Variants in FSCB observed in about 807,000 individuals in gnomAD.
FSCB encodes the protein fibrous sheath CABYR-binding protein.
For synonymous variants in FSCB, 331 were observed against 336.6 expected, an observed-to-expected ratio of 0.98 and a Z score of 0.18; for missense variants, 975 against 934.8, an observed-to-expected ratio of 1.04 and a Z score of -0.56.
Position 44,504,233 on chromosome 14 carries a change from C to A in FSCB, c.*277G>T, listed in dbSNP as rs1881004037. On this transcript the variant is annotated 3_prime_UTR_variant, in exon 1 of 1. Transcript: ENST00000340446. ...GCAGATTAAACTTTACTCGTGTCAA[C>A]AAGTTTACTGTAGGAAGGATATTTT... 2 of 250,524 alleles carry A rather than the reference C, an allele frequency of 8.0e-6. No homozygotes were observed. Among genetic ancestry groups the A allele is most frequent in the Middle Eastern group, 1.3e-3 (1 of 756 alleles). 15.5% of individuals were successfully genotyped at this position (250,524 alleles called of 1,614,324 possible).
Position 44,506,739 on chromosome 14 carries a change from T to C in FSCB, c.249A>G (p.Lys83=). The C allele has an allele frequency of 6.2e-7, 1 of 1,614,200 alleles. No individual in the cohort carries two copies. The highest frequency in any genetic ancestry group is 8.5e-7 in the Non-Finnish European group (1 of 1,180,030). ...LQTDTIVEEK[K]EVKLVEETVV... ...CGGTTTCCTCAACTAACTTGACTTC[T>C]TTTTTCTCTTCTACAATGGTGTCTG... is the stretch of plus-strand genomic sequence containing the variant. Residue 83 remains lysine (K), a synonymous_variant, in exon 1 of 1, where the codon AAA becomes AAG. Transcript: ENST00000340446.
chr14:44,506,117 C>A lies in FSCB; in HGVS notation c.871G>T (p.Val291Phe). ...TCTTCAGTTGATGGCTGTACTTGGA[C>A]ATGGGTCTCTTCAGCAGGTCTGGGC... ...AEPRPAEETH[V>F]QVQPSTEETP... The change falls in exon 1 of 1, where the codon GTC becomes TTC. Residue 291 changes from valine (V) to phenylalanine (F), a missense_variant. By Grantham distance (50) the Val-to-Phe change is conservative. Transcript: ENST00000340446. 2 of 1,614,122 alleles carry A rather than the reference C, an allele frequency of 1.2e-6. No homozygotes were observed. Among genetic ancestry groups the A allele is most frequent in the Non-Finnish European group, 1.7e-6 (2 of 1,180,022 alleles).
rs1028299124 is a variant in FSCB, at chr14:44,504,819, C to G, written c.2169G>C (p.Leu723Phe). The change falls in exon 1 of 1, where the codon TTG becomes TTC. Residue 723 changes from leucine (L) to phenylalanine (F), a missense_variant. Transcript: ENST00000340446. The stretch of plus-strand genomic sequence containing the variant: ...CTATAGGAAACTCCTCAGTCAGAAG[C>G]AAATCAGCTGGTGGGGAATGTTTGT... ...SVDKHSPPAD[L>F]LLTEEFPIGE... The G allele has an allele frequency of 1.2e-6, 2 of 1,614,000 alleles. No homozygotes were observed. The highest frequency in any genetic ancestry group is 3.3e-5 in the Admixed American group (2 of 60,014).
Position 44,506,379 on chromosome 14 carries a change from G to A in FSCB, c.609C>T (p.Asn203=), listed in dbSNP as rs753534693. The change falls in exon 1 of 1, where the codon AAC becomes AAT. Residue 203 remains asparagine, a synonymous_variant. Transcript: ENST00000340446. Reference sequence around the variant, plus strand: ...TTTTCTGCCCAATTTCTTCATTGCTGTTTGTTGCTGGTTGAAATTCAGGGT... The same window carrying A: ...TTTTCTGCCCAATTTCTTCATTGCTATTTGTTGCTGGTTGAAATTCAGGGT... ...SEHPEFQPAT[N]SNEEIGQKNI... is the part of the protein sequence containing the mutation. 6.2e-7 allele frequency: 1 copy of A among 1,614,120 alleles called. No individual in the cohort carries two copies. Among genetic ancestry groups the A allele is most frequent in the Non-Finnish European group, 8.5e-7 (1 of 1,180,022 alleles).
At chr14:44,506,434 TTA>T in the FSCB span, 1 of 1,614,204 alleles carries the variant, frequency 6.2e-7, no homozygotes, top group Non-Finnish European at 8.5e-7. Flanking sequence ...TCCCGACGAT[TTA>T]TGTTTCAGGG....
Position 44,506,164 on chromosome 14 carries a change from T to A in FSCB, c.824A>T (p.Glu275Val), listed in dbSNP as rs758809620. ...FPAKIQPPLVEEATAKAEPRP... is the reference protein window; with the variant it reads ...FPAKIQPPLVVEATAKAEPRP... The stretch of plus-strand genomic sequence containing the variant: ...GGGCTCCGCTTTAGCAGTGGCCTCT[T>A]CAACTAATGGAGGCTGTATTTTAGC... The change falls in exon 1 of 1, where the codon GAA becomes GTA. Residue 275 changes from glutamate (E) to valine (V), a missense_variant. Glu to Val is a moderately radical substitution (Grantham distance 121, BLOSUM62 -2). Transcript: ENST00000340446. 5 of 1,614,174 alleles carry A rather than the reference T, an allele frequency of 3.1e-6. No homozygotes were observed. Among genetic ancestry groups the A allele is most frequent in the Non-Finnish European group, 4.2e-6 (5 of 1,180,020 alleles).
In FSCB at chr14:44,504,859, T is replaced by A. The variant is rs1256059032; in HGVS notation, c.2129A>T (p.Glu710Val). 1.2e-6 allele frequency: 2 copies of A among 1,614,180 alleles called. No homozygotes were observed. The highest frequency in any genetic ancestry group is 2.2e-5 in the South Asian group (2 of 91,072). ...GGAATGTTTGTCAACGGAGGCCTCT[T>A]CTGCAGGGACATCATCAGCTGGGGG... ...HSPPADDVPAEEASVDKHSPP... is the reference protein window; with the variant it reads ...HSPPADDVPAVEASVDKHSPP... Residue 710 changes from glutamate (E) to valine (V), a missense_variant, in exon 1 of 1, where the codon GAA (glutamate) becomes GTA (valine). Physicochemically the swap from Glu to Val is moderately radical, Grantham distance 121 (BLOSUM62 -2). Coordinates refer to ENST00000340446, the MANE Select transcript of FSCB (RefSeq NM_032135.4).
chr14:44,505,842 A>C lies in FSCB; in HGVS notation c.1146T>G (p.Gly382=). 6.2e-7 allele frequency: 1 copy of C among 1,613,852 alleles called. No homozygotes were observed. Among genetic ancestry groups the C allele is most frequent in the Non-Finnish European group, 8.5e-7 (1 of 1,179,968 alleles). Residue 382 remains glycine, a synonymous_variant, in exon 1 of 1, where the codon GGT becomes GGG. Coordinates refer to ENST00000340446, the MANE Select transcript of FSCB (RefSeq NM_032135.4). ...AEKSPSVELL[G]EIRSPSAQKA... The stretch of plus-strand genomic sequence containing the variant: ...TTTGTGCTGAGGGAGACCGAATTTC[A>C]CCAAGAAGCTCTACTGAAGGAGACT...
Position 44,505,750 on chromosome 14 carries a change from T to C in FSCB, c.1238A>G (p.Glu413Gly), listed in dbSNP as rs766058594. The change falls in exon 1 of 1, where the codon GAG becomes GGG. Residue 413 changes from glutamate (E) to glycine (G), a missense_variant. Transcript: ENST00000340446. ...GALEEAPAKV[E>G]PPTVEETLAD... is the part of the protein sequence containing the mutation. Reference sequence around the variant, plus strand: ...AAGGGTCTCTTCAACAGTGGGAGGCTCTACTTTAGCTGGGGCCTCTTCAAG... The same window carrying C: ...AAGGGTCTCTTCAACAGTGGGAGGCCCTACTTTAGCTGGGGCCTCTTCAAG... The C allele has an allele frequency of 5.6e-6, 9 of 1,613,526 alleles. No individual in the cohort carries two copies. The highest frequency in any genetic ancestry group is 1.3e-5 in the African/African-American group (1 of 74,866).
rs778186482 is a variant in FSCB, at chr14:44,505,884, C to G, written c.1104G>C (p.Leu368=). The change falls in exon 1 of 1, where the codon CTG becomes CTC. Residue 368 remains leucine, a synonymous_variant. Coordinates refer to ENST00000340446, the MANE Select transcript of FSCB (RefSeq NM_032135.4). ...SPSEEPPAEI[L]PPPAEKSPSV... is the part of the protein sequence containing the mutation. ...AAGGAGACTTTTCAGCTGGTGGAGG[C>G]AGAATTTCAGCAGGAGGCTCTTCTG... 1.6e-5 allele frequency: 26 copies of G among 1,613,528 alleles called. No individual in the cohort carries two copies. Among genetic ancestry groups the G allele is most frequent in the Non-Finnish European group, 1.4e-5 (17 of 1,179,756 alleles).
rs542027117 is a variant in FSCB at position 44,506,427 on chromosome 14, C to T, written c.561G>A (p.Ser187=). ...GGTGTTCACTAGCAAAAATCTTTCC[C>T]GACGATTTATGTTTCAGGGCATCTT... is the stretch of plus-strand genomic sequence containing the variant. ...SKEDALKHKS[S]GKIFASEHPE... The change falls in exon 1 of 1, where the codon TCG becomes TCA. Residue 187 remains serine (S), a synonymous_variant. Transcript: ENST00000340446. The T allele has an allele frequency of 7.9e-5, 128 of 1,614,090 alleles. 1 individual carries two copies. The South Asian group carries it at 1.1e-3, about 14-fold the overall frequency.
At position 44,506,034 on chromosome 14, in the gene FSCB, A is replaced by G. The variant is rs143739715; in HGVS notation, c.954T>C (p.Pro318=). 1 of 1,614,022 alleles carries G rather than the reference A, an allele frequency of 6.2e-7. No individual in the cohort carries two copies. Among genetic ancestry groups the G allele is most frequent in the Non-Finnish European group, 8.5e-7 (1 of 1,180,034 alleles). Residue 318 remains proline, a synonymous_variant, in exon 1 of 1, where the codon CCT becomes CCC. Transcript: ENST00000340446. ...CTAAAGGGGCCTCTTCAGCAGGTGG[A>G]GGCTGAACTTTAACAGAATTCTCCG... ...AVAENSVKVQ[P]PPAEEAPLVE...
Position 44,504,836 on chromosome 14 carries a change from A to T in FSCB, c.2152T>A (p.Ser718Thr). 6.2e-7 allele frequency: 1 copy of T among 1,614,034 alleles called. No homozygotes were observed. Among genetic ancestry groups the T allele is most frequent in the Non-Finnish European group, 8.5e-7 (1 of 1,180,006 alleles). The part of the protein sequence containing the change: ...PAEEASVDKH[S>T]PPADLLLTEE... Reference sequence around the variant, plus strand: ...GTCAGAAGCAAATCAGCTGGTGGGGAATGTTTGTCAACGGAGGCCTCTTCT... The same window carrying T: ...GTCAGAAGCAAATCAGCTGGTGGGGTATGTTTGTCAACGGAGGCCTCTTCT... Residue 718 changes from serine to threonine, a missense_variant, in exon 1 of 1, where the codon TCC becomes ACC. Ser to Thr is a moderately conservative substitution (Grantham distance 58, BLOSUM62 1). Coordinates refer to ENST00000340446, the MANE Select transcript of FSCB (RefSeq NM_032135.4).
Position 44,506,475 on chromosome 14 carries a change from A to C in FSCB, c.513T>G (p.Asp171Glu). 3 of 1,614,212 alleles carry C rather than the reference A, an allele frequency of 1.9e-6. No individual in the cohort carries two copies. The highest frequency in any genetic ancestry group is 1.3e-5 in the African/African-American group (1 of 75,056). The change falls in exon 1 of 1, where the codon GAT (aspartate) becomes GAG (glutamate). Residue 171 changes from aspartate (D) to glutamate (E), a missense_variant. Physicochemically the swap from Asp to Glu is conservative, Grantham distance 45. Coordinates refer to ENST00000340446, the MANE Select transcript of FSCB (RefSeq NM_032135.4). ...ESEIVVISRP[D>E]SSSTKSKEDA... ...CTTCCTTTGACTTTGTAGAAGAACT[A>C]TCTGGCCTGGAAATAACCACTATTT...
chr14:44,505,449 A>G lies in FSCB; in HGVS notation c.1539T>C (p.Ala513=). Residue 513 remains alanine (A), a synonymous_variant, in exon 1 of 1, where the codon GCT becomes GCC. Coordinates refer to ENST00000340446, the MANE Select transcript of FSCB (RefSeq NM_032135.4). ...EAHAEVQSPL[A]EETTAEEASA... ...AGGCCTCTTCTGCAGTGGTCTCTTC[A>G]GCTAATGGAGATTGAACTTCAGCAT... 1 of 1,612,328 alleles carries G rather than the reference A, an allele frequency of 6.2e-7. No homozygotes were observed. Among genetic ancestry groups the G allele is most frequent in the Non-Finnish European group, 8.5e-7 (1 of 1,179,988 alleles).
chr14:44,506,514 G>T, the FSCB span: 7 of 1,614,154 alleles, frequency 4.3e-6, no homozygotes, highest in Non-Finnish European at 5.9e-6. Flanking sequence ...ATTCACTAAA[G>T]TATGTCTGTT....
In FSCB at chr14:44,504,540, T is replaced by C. The variant is rs1171305421; in HGVS notation, c.2448A>G (p.Ile816Met). Residue 816 changes from isoleucine (I) to methionine (M), a missense_variant, in exon 1 of 1, where the codon ATA (isoleucine) becomes ATG (methionine). By Grantham distance (10) the Ile-to-Met change is conservative. Coordinates refer to ENST00000340446, the MANE Select transcript of FSCB (RefSeq NM_032135.4). The part of the protein sequence containing the change: ...PTLEIESVFH[I>M]ELKQRPPEL The stretch of plus-strand genomic sequence containing the variant: ...GTTCAGGAGGACGTTGTTTTAATTC[T>C]ATATGAAAAACACTTTCTATTTCAA... The C allele has an allele frequency of 6.2e-7, 1 of 1,612,454 alleles. No individual in the cohort carries two copies. The highest frequency in any genetic ancestry group is 8.5e-7 in the Non-Finnish European group (1 of 1,179,236).
Position 44,505,221 on chromosome 14 carries a change from G to A in FSCB, c.1767C>T (p.Ala589=). ...PSGEETTAEE[A]SAAIQLLAAT... is the part of the protein sequence containing the mutation. The stretch of plus-strand genomic sequence containing the variant: ...CTGCTAGAAGCTGAATTGCAGCAGA[G>A]GCCTCTTCTGCAGTGGTCTCTTCAC... Residue 589 remains alanine, a synonymous_variant, in exon 1 of 1, where the codon GCC becomes GCT. Transcript: ENST00000340446. 1 of 1,612,732 alleles carries A rather than the reference G, an allele frequency of 6.2e-7. No individual in the cohort carries two copies. Among genetic ancestry groups the A allele is most frequent in the Non-Finnish European group, 8.5e-7 (1 of 1,179,764 alleles).
chr14:44,506,797 T>C lies in FSCB; in HGVS notation c.191A>G (p.His64Arg), dbSNP rs1367661769. 6.2e-7 allele frequency: 1 copy of C among 1,614,124 alleles called. No individual in the cohort carries two copies. Among genetic ancestry groups the C allele is most frequent in the Admixed American group, 1.7e-5 (1 of 60,020 alleles). The change falls in exon 1 of 1, where the codon CAT becomes CGT. Residue 64 changes from histidine (H) to arginine (R), a missense_variant. By Grantham distance (29) the His-to-Arg change is conservative (BLOSUM62 0). Transcript: ENST00000340446. ...ELQQTWTKRK[H>R]GQEMTSKSLQ... ...AGACTTACTAGTCATTTCCTGTCCA[T>C]GCTTTCTCTTTGTCCAAGTTTGCTG...
Sources: allele counts gnomAD v4.1 joint callset, GRCh38; gene constraint gnomAD v4.1.1; transcripts MANE v1.5; gene names NCBI Gene and HGNC (gene_info 2026-07-23, HGNC 2026-07-21).